MED25: variants seen among roughly 807,000 people sequenced by gnomAD.
The protein encoded by MED25 is mediator complex subunit 25.
In MED25, 62 loss-of-function variants were observed where a neutral mutation model predicts 89.4. The observed-to-expected ratio is 0.69, with a 90% CI of 0.57 to 0.86. The LOEUF (loss-of-function observed/expected upper bound fraction) is 0.86, where lower values mean the gene tolerates loss of function less well. Ranked by LOEUF, MED25 falls within the 40% of genes least tolerant of loss-of-function variation. The pLI, the probability that MED25 is intolerant of heterozygous loss-of-function variation, is 0.00. For missense variants in MED25, 905 were observed against 1,005.2 expected, an observed-to-expected ratio of 0.90 and a Z score of 1.35; for synonymous variants, 449 against 427.9, an observed-to-expected ratio of 1.05 and a Z score of -0.61.
At position 49,835,535 on chromosome 19, in the gene MED25, T is replaced by TG; in HGVS notation, c.1682dup (p.Gln562ThrfsTer?). The TG allele has an allele frequency of 6.4e-7, 1 of 1,557,560 alleles. No homozygotes were observed. Among genetic ancestry groups the TG allele is most frequent in the Non-Finnish European group, 8.7e-7 (1 of 1,151,348 alleles). On this transcript the variant is annotated frameshift_variant and splice_region_variant, in exon 15 of 18. Transcript: ENST00000312865. LOFTEE classifies it high-confidence loss of function. This position sits in a 1 kb window ranked among gnomAD's most constrained non-coding sequence, Gnocchi z 6.2. ...ACCTGCCCCTCTCTCCCCGTGCAGA[T>TG]GGGGGGACAGCAGGCACCCCCAGGG...
Position 49,825,490 on chromosome 19 carries a change from C to T in MED25, c.306-2959C>T, listed in dbSNP as rs555054705. Among the ~76,000 whole-genome samples, 3 of 152,092 alleles carry T rather than the reference C, an allele frequency of 2.0e-5. No homozygotes were observed. The East Asian group carries it at 5.9e-4, about 30-fold the overall frequency. ...TGAACTCCTGACCTCAAGTGATCCG[C>T]CCACCTCGGCCTCCCAAAGTGCTGG... On this transcript the variant is annotated intron_variant, in intron 3 of 17. Coordinates refer to ENST00000312865, the MANE Select transcript of MED25 (RefSeq NM_030973.4).
At chr19:49,820,568 T>A (rs1279757853) in intron 3 of MED25, among the ~76,000 whole-genome samples, 1 of 152,246 alleles carries the variant, frequency 6.6e-6, no homozygotes, top group Non-Finnish European at 1.5e-5. Context: ...ACTCATTCCA[T>A]AAAACAAAGG....
rs531152981 is a variant in MED25 at position 49,835,244 on chromosome 19, G to C, written c.1674+67G>C. On this transcript the variant is annotated intron_variant, in intron 14 of 17. Coordinates refer to ENST00000312865, the MANE Select transcript of MED25 (RefSeq NM_030973.4). This position sits in a 1 kb window ranked among gnomAD's most constrained non-coding sequence, Gnocchi z 6.2. ...CTGCCCGGGCCCCACATGGCCCCCTGGGGTCTCCAGGACCAAGATGCCCAC... is the reference window on the plus strand; with the variant it reads ...CTGCCCGGGCCCCACATGGCCCCCTCGGGTCTCCAGGACCAAGATGCCCAC... The C allele has an allele frequency of 1.3e-6, 2 of 1,537,814 alleles. No homozygotes were observed. Among genetic ancestry groups the C allele is most frequent in the South Asian group, 2.2e-5 (2 of 89,490 alleles).
intron 13 of MED25, chr19:49,832,769 C>G: frequency 2.8e-6 from 1 of 360,508 alleles, no homozygotes; most frequent in South Asian, 2.3e-5. Flanking sequence ...CGTGTTCTAT[C>G]CCAGTTCTGG....
Position 49,831,371 on chromosome 19 carries a change from C to T in MED25, c.1140C>T (p.Ser380=). 6.2e-7 allele frequency: 1 copy of T among 1,611,242 alleles called. No individual in the cohort carries two copies. The highest frequency in any genetic ancestry group is 1.1e-5 in the South Asian group (1 of 90,198). The change falls in exon 10 of 18, where the codon TCC becomes TCT. Residue 380 remains serine, a synonymous_variant. Coordinates refer to ENST00000312865, the MANE Select transcript of MED25 (RefSeq NM_030973.4). This position sits in a 1 kb window ranked among gnomAD's most constrained non-coding sequence, Gnocchi z 5.0. ...CCCCAGGAGGGGTGAGCGGCCCTTC[C>T]CCAGCCCAGCTGGGAGCCCCAGCCC... ...TVAPGGVSGP[S]PAQLGAPALG...
intron 2 of MED25, 24 bp from the exon 3 acceptor site, chr19:49,819,148 A>T (rs781074374): frequency 3.7e-6 from 6 of 1,613,980 alleles, no homozygotes; most frequent in Non-Finnish European, 5.1e-6. Context: ...CCCAGATTAA[A>T]AGTTTTCTGT....
In MED25 at chr19:49,832,328, C is replaced by T. The variant is rs143046644; in HGVS notation, c.1395C>T (p.Phe465=). 6.2e-7 allele frequency: 1 copy of T among 1,608,750 alleles called. No individual in the cohort carries two copies. The highest frequency in any genetic ancestry group is 8.5e-7 in the Non-Finnish European group (1 of 1,177,104). The change falls in exon 13 of 18, where the codon TTC becomes TTT. Residue 465 remains phenylalanine (F), a synonymous_variant. Coordinates refer to ENST00000312865, the MANE Select transcript of MED25 (RefSeq NM_030973.4). The part of the protein sequence containing the change: ...QQLLTTLGPL[F]RNSRMVQFHF... ...CGCAGACCACCCTGGGCCCTTTGTT[C>T]CGGAACTCAAGGATGGTCCAGTTCC... is the stretch of plus-strand genomic sequence containing the variant.
chr19:49,830,110 C>A lies in MED25; in HGVS notation c.711C>A (p.Gly237=), dbSNP rs779635386. The A allele has an allele frequency of 6.2e-7, 1 of 1,607,484 alleles. No homozygotes were observed. The highest frequency in any genetic ancestry group is 1.3e-5 in the African/African-American group (1 of 74,948). ...VLPVGGGSAP[G]PLQSKQPVPL... The stretch of plus-strand genomic sequence containing the variant: ...CAGTTGGGGGTGGCTCAGCCCCAGG[C>A]CCCCTCCAGTCAAAGCAGCCAGTCC... Residue 237 remains glycine (G), a synonymous_variant, in exon 7 of 18, where the codon GGC becomes GGA. Transcript: ENST00000312865. The surrounding 1 kb of genome is among the most constrained non-coding windows in gnomAD (Gnocchi z 4.6).
In MED25 at chr19:49,818,508, C is replaced by G. The variant is rs753014918; in HGVS notation, c.134+33C>G. The G allele has an allele frequency of 5.0e-6, 8 of 1,614,238 alleles. No homozygotes were observed. In the East Asian group the frequency reaches 1.8e-4, roughly 36 times the overall value. On this transcript the variant is annotated intron_variant, in intron 1 of 17. Transcript: ENST00000312865. ...CTGTTTCCGCGACTCTAACCCCGCCCTCCCACTTCAGTTTCGCACAGTTTC... is the reference window on the plus strand; with the variant it reads ...CTGTTTCCGCGACTCTAACCCCGCCGTCCCACTTCAGTTTCGCACAGTTTC...
At chr19:49,837,111 G>A (rs1489464427), downstream of MED25, 2 of 689,970 alleles carry the variant, frequency 2.9e-6, no homozygotes, top group African/African-American at 1.8e-5. Flanking sequence ...CCTCCGTGGT[G>A]AGTCACAGGC....
At position 49,826,905 on chromosome 19, in the gene MED25, G is replaced by A. The variant is rs2074019463; in HGVS notation, c.306-1544G>A. ...ACGGGGTGCAGGACTCGGAGGCCTC[G>A]GATGCTGGGCCGATGCCGGGCCGAG... On this transcript the variant is annotated intron_variant, in intron 3 of 17. Transcript: ENST00000312865. Among the ~76,000 whole-genome samples, 3 of 151,972 alleles carry A rather than the reference G, an allele frequency of 2.0e-5. No individual in the cohort carries two copies. The South Asian group carries it at 6.2e-4, about 32-fold the overall frequency.
intron 3 of MED25, among the ~76,000 whole-genome samples, chr19:49,826,464 G>A (rs188520268): frequency 1.1e-4 from 16 of 152,366 alleles, no homozygotes; most frequent in South Asian, 4.1e-4. Flanking sequence ...CTCACTGGCC[G>A]GGCCGAGTGG....
chr19:49,821,476 A>G (rs2073981187), intron 3 of MED25, among the ~76,000 whole-genome samples: 1 of 152,190 alleles, frequency 6.6e-6, no homozygotes, highest in Non-Finnish European at 1.5e-5. Flanking sequence ...TCTTAAAAAT[A>G]TTTTTGTAGG....
rs756950137 is a variant in MED25 at position 49,818,328 on chromosome 19, G to GT, written c.-13dup. 6.4e-7 allele frequency: 1 copy of GT among 1,572,594 alleles called. No homozygotes were observed. On this transcript the variant is annotated 5_prime_UTR_variant, in exon 1 of 18. Coordinates refer to ENST00000312865, the MANE Select transcript of MED25 (RefSeq NM_030973.4). The stretch of plus-strand genomic sequence containing the variant: ...GCTGCGGCTGCAGTGGTGGTGGCGG[G>GT]TACCGCACGGGGTATGGTCCCCGGG...
At chr19:49,822,516 C>T (rs2123867568) in intron 3 of MED25, among the ~76,000 whole-genome samples, 1 of 152,102 alleles carries the variant, frequency 6.6e-6, no homozygotes, top group East Asian at 1.9e-4. Context: ...CTCAAGTGAT[C>T]CTCCACTTCA....
chr19:49,838,634 G>A (rs1485247832), downstream of MED25: 1 of 457,328 alleles, frequency 2.2e-6, no homozygotes, highest in Non-Finnish European at 4.4e-6. Flanking sequence ...AAATGGGAGC[G>A]AGCCTATTTC....
rs755440102 is a variant in MED25 at position 49,829,753 on chromosome 19, G to A, written c.526-33G>A. ...CGGCCCCAACACCCTTATGGAGGGGGCCCGTCATGACTGCTCGGCCCCTCT... is the reference window on the plus strand; with the variant it reads ...CGGCCCCAACACCCTTATGGAGGGGACCCGTCATGACTGCTCGGCCCCTCT... On this transcript the variant is annotated intron_variant, in intron 5 of 17. Transcript: ENST00000312865. The surrounding 1 kb of genome is among the most constrained non-coding windows in gnomAD (Gnocchi z 4.6). The A allele has an allele frequency of 5.1e-6, 8 of 1,561,418 alleles. No individual in the cohort carries two copies. Among genetic ancestry groups the A allele is most frequent in the East Asian group, 2.4e-5 (1 of 41,606 alleles).
At chr19:49,827,074 C>T (rs535737427) in intron 3 of MED25, among the ~76,000 whole-genome samples, 47 of 152,278 alleles carry the variant, frequency 3.1e-4, no homozygotes, top group African/African-American at 1.1e-3. Context: ...CCATCCCCGC[C>T]TGTGGGAGAG....
In MED25 at chr19:49,830,177, G is replaced by A; in HGVS notation, c.778G>A (p.Ala260Thr). The A allele has an allele frequency of 2.5e-6, 4 of 1,600,964 alleles. No individual in the cohort carries two copies. The highest frequency in any genetic ancestry group is 1.7e-5 in the Admixed American group (1 of 59,900). Reference protein sequence around the residue: ...AAPSGATLSAAPQQPLPPVPP... With the variant: ...AAPSGATLSATPQQPLPPVPP... ...ACCCTCAGGTGCCACTCTCTCAGCA[G>A]CCCCCCAGCAGCCTCTGCCCCCCGT... The change falls in exon 7 of 18, where the codon GCC becomes ACC. Residue 260 changes from alanine (A) to threonine (T), a missense_variant. Physicochemically the swap from Ala to Thr is moderately conservative, Grantham distance 58. Transcript: ENST00000312865. The surrounding 1 kb of genome is among the most constrained non-coding windows in gnomAD (Gnocchi z 4.6).
Sources: gnomAD v4.1 joint callset for allele counts (sites outside exome capture counted in the v4.1 genomes callset) on GRCh38, gnomAD v4.1.1 for gene constraint, Gnocchi (gnomAD v3.1) non-coding constraint, MANE v1.5 for transcripts, NCBI Gene and HGNC (gene_info 2026-07-23, HGNC 2026-07-21) for gene names.